The following KCTD17 variants were observed in gnomAD, a reference collection of about 807,000 sequenced individuals.
KCTD17 encodes the protein potassium channel tetramerization domain containing 17, also known as BTB/POZ domain-containing protein KCTD17.
A neutral mutation model predicts 41.5 loss-of-function variants in KCTD17; 20 were observed. That is an observed-to-expected ratio of 0.48 (90% CI 0.34 to 0.70). The LOEUF (loss-of-function observed/expected upper bound fraction) is 0.70. KCTD17 is among the 30% of genes least tolerant of loss of function. KCTD17 has a pLI of 0.01. For missense variants in KCTD17, 317 were observed against 427.2 expected (o/e 0.74, Z 2.27); for synonymous variants, 156 against 173.8 (o/e 0.90, Z 0.80).
rs773726512 is a variant in KCTD17, at chr22:37,059,358, G to A, written c.532G>A (p.Ala178Thr). 7 of 1,613,238 alleles carry A rather than the reference G, an allele frequency of 4.3e-6. No homozygotes were observed. Among genetic ancestry groups the A allele is most frequent in the Non-Finnish European group, 5.9e-6 (7 of 1,179,856 alleles). Residue 178 changes from alanine (A) to threonine (T), a missense_variant, in exon 5 of 9, where the codon GCA becomes ACA. Physicochemically the swap from Ala to Thr is moderately conservative, Grantham distance 58. Coordinates refer to ENST00000403888, the MANE Select transcript of KCTD17 (RefSeq NM_001282684.2). ...CTACAACTACGGCAGCGAGGACCAG[G>A]CAGAGTTCCTGTGTGTGGTGTCCAA... ...SSYNYGSEDQ[A>T]EFLCVVSKEL... is the part of the protein sequence containing the mutation.
chr22:37,059,366 C>A lies in KCTD17; in HGVS notation c.540C>A (p.Phe180Leu). 6.2e-7 allele frequency: 1 copy of A among 1,613,244 alleles called. No individual in the cohort carries two copies. The highest frequency in any genetic ancestry group is 8.5e-7 in the Non-Finnish European group (1 of 1,179,848). The change falls in exon 5 of 9, where the codon TTC becomes TTA. Residue 180 changes from phenylalanine to leucine, a missense_variant. By Grantham distance (22) the Phe-to-Leu change is conservative. Around this residue, in one of 4 missense-constraint regions of KCTD17, gnomAD observed 177 missense variants for 194.4 expected, o/e 0.91. Coordinates refer to ENST00000403888, the MANE Select transcript of KCTD17 (RefSeq NM_001282684.2). ...YNYGSEDQAE[F>L]LCVVSKELHS... ...ACGGCAGCGAGGACCAGGCAGAGTTCCTGTGTGTGGTGTCCAAGGAGCTCC... is the reference window on the plus strand; with the variant it reads ...ACGGCAGCGAGGACCAGGCAGAGTTACTGTGTGTGGTGTCCAAGGAGCTCC...
intron 5 of KCTD17, 137 bp from the exon 6 acceptor site, chr22:37,060,686 T>C: frequency 7.7e-7 from 1 of 1,299,268 alleles, no homozygotes. Context: ...CCCCAGCTTC[T>C]GTGGCTGGAG....
intron 3 of KCTD17, 39 bp from the exon 4 acceptor site, chr22:37,057,359 C>T (rs771791144): frequency 1.3e-6 from 2 of 1,548,158 alleles, no homozygotes; most frequent in African/African-American, 1.4e-5. Context: ...GTGCCTGGTG[C>T]TCCCACAGGT....
At chr22:37,054,249 G>C (rs71317024) in intron 2 of KCTD17, among the ~76,000 whole-genome samples, 4 of 152,162 alleles carry the variant, frequency 2.6e-5, no homozygotes, top group Non-Finnish European at 5.9e-5. Context: ...GCGTGGCCTA[G>C]GCTCAGGAGC....
In KCTD17 at chr22:37,062,521, C is replaced by A. The variant is rs1273573589; in HGVS notation, c.876-4C>A. ...CTCCTGCCCTTCCCCTCTTTTTTTT[C>A]TAGCTGTTACAAGCCAGAGGCACCC... On this transcript the variant is annotated splice_region_variant and splice_polypyrimidine_tract_variant and intron_variant, in intron 8 of 8. Coordinates refer to ENST00000403888, the MANE Select transcript of KCTD17 (RefSeq NM_001282684.2). 1.9e-6 allele frequency: 3 copies of A among 1,578,418 alleles called. No individual in the cohort carries two copies. Among genetic ancestry groups the A allele is most frequent in the Non-Finnish European group, 2.6e-6 (3 of 1,159,344 alleles).
At chr22:37,058,343 C>T (rs962036177) in intron 4 of KCTD17, among the ~76,000 whole-genome samples, 1 of 152,234 alleles carries the variant, frequency 6.6e-6, no homozygotes, top group African/African-American at 2.4e-5. Context: ...ATGCCTGCCA[C>T]CTTGGGCAAG....
chr22:37,052,107 G>C, intron 1 of KCTD17, 158 bp downstream of exon 1: 1 of 910,892 alleles, frequency 1.1e-6, no homozygotes, highest in South Asian at 2.6e-5. Flanking sequence ...GGGAGGGGGA[G>C]GTGGGTCTGG....
intron 8 of KCTD17, chr22:37,062,269 C>T (rs1925880401): frequency 5.1e-6 from 5 of 985,156 alleles, no homozygotes; most frequent in South Asian, 9.4e-5. Flanking sequence ...GAGCCCAAGA[C>T]GGGGCATGGG....
Position 37,063,013 on chromosome 22 carries a change from C to T in KCTD17, c.*419C>T. 1 of 179,430 alleles carries T rather than the reference C, an allele frequency of 5.6e-6. No individual in the cohort carries two copies. Among genetic ancestry groups the T allele is most frequent in the Non-Finnish European group, 1.2e-5 (1 of 85,954 alleles). The allele number at this position is 179,430 out of a possible 1,614,324, so 11.1% of individuals were successfully genotyped here. A position where few individuals can be genotyped will look rare whatever the true frequency, so the allele number is the denominator to read the frequency against. ...CCCTCAGGCAGTATATAGGGGCCGC[C>T]CACCTTCAGCTGCCCTGGGATGGGA... On this transcript the variant is annotated 3_prime_UTR_variant, in exon 9 of 9. Transcript: ENST00000403888. The surrounding 1 kb of genome is among the most constrained non-coding windows in gnomAD (Gnocchi z 4.6).
At chr22:37,062,385 G>T in intron 8 of KCTD17, 140 bp from the exon 9 acceptor site, 1 of 1,426,178 alleles carries the variant, frequency 7.0e-7, no homozygotes, top group South Asian at 1.4e-5. Flanking sequence ...AAGGAAGCCT[G>T]TGACTCAACT....
rs1320626092 is a variant in KCTD17 at position 37,061,974 on chromosome 22, GC to G, written c.875+348del. The G allele has an allele frequency of 3.0e-6, 3 of 985,266 alleles. No homozygotes were observed. Among genetic ancestry groups the G allele is most frequent in the Admixed American group, 6.1e-5 (1 of 16,266 alleles). The allele number at this position is 985,266 out of a possible 1,614,324, so 61.0% of individuals were successfully genotyped here. ...GACAGGCCACTTTTGGATACCCTTGGCCCATGAAGTGTCAGCCAGAGTGGCT... is the reference window on the plus strand; with the variant it reads ...GACAGGCCACTTTTGGATACCCTTGGCCATGAAGTGTCAGCCAGAGTGGCT... On this transcript the variant is annotated intron_variant, in intron 8 of 8. Transcript: ENST00000403888. The surrounding 1 kb of genome is among the most constrained non-coding windows in gnomAD (Gnocchi z 6.6).
At chr22:37,052,474 T>G (rs1601480022) in intron 1 of KCTD17, 1 of 456,368 alleles carries the variant, frequency 2.2e-6, no homozygotes, top group African/African-American at 2.0e-5. Context: ...CGACCTTGAG[T>G]CGGACCCTTC....
At chr22:37,060,289 C>A (rs984572293) in intron 5 of KCTD17, among the ~76,000 whole-genome samples, 5 of 152,320 alleles carry the variant, frequency 3.3e-5, no homozygotes, top group African/African-American at 1.2e-4. Context: ...GTGACGCACC[C>A]TGCCTGCCCA....
chr22:37,054,881 A>G (rs1323032118), intron 2 of KCTD17, among the ~76,000 whole-genome samples: 1 of 152,156 alleles, frequency 6.6e-6, no homozygotes, highest in Non-Finnish European at 1.5e-5. Flanking sequence ...CAGATCAGAA[A>G]TGTGAGCCCC....
chr22:37,057,601 A>C (rs1925297515), intron 4 of KCTD17, 108 bp downstream of exon 4: 2 of 796,200 alleles, frequency 2.5e-6, no homozygotes, highest in Admixed American at 2.1e-5. Context: ...TCCCCACCAC[A>C]GTCTCCCCCA....
At chr22:37,057,726 T>A (rs924210453) in intron 4 of KCTD17, among the ~76,000 whole-genome samples, 1 of 152,078 alleles carries the variant, frequency 6.6e-6, no homozygotes, top group African/African-American at 2.4e-5. Flanking sequence ...GCACGGGGTG[T>A]CCTTGTTGGT....
intron 8 of KCTD17, 47 bp from the exon 9 acceptor site, chr22:37,062,478 A>C (rs1203542984): frequency 1.2e-5 from 13 of 1,078,488 alleles, no homozygotes; most frequent in African/African-American, 6.4e-5. Flanking sequence ...TACCGGCCCC[A>C]CCTCCGCCCC....
chr22:37,060,566 C>T (rs1424245396), intron 5 of KCTD17, among the ~76,000 whole-genome samples: 1 of 152,208 alleles, frequency 6.6e-6, no homozygotes, highest in African/African-American at 2.4e-5. Context: ...CCTCCAGCCT[C>T]GCTCTATGTA....
At position 37,061,146 on chromosome 22, in the gene KCTD17, CACT is replaced by C. The variant is rs1568987241; in HGVS notation, c.756_758del (p.Leu253del). ...CCCGCTAACCTTTTCTCCCTCCCAC[CACT>C]GCCTCCTCCTCCGCTTCCCGCTGGA... On this transcript the variant is annotated inframe_deletion, in exon 7 of 9. Coordinates refer to ENST00000403888, the MANE Select transcript of KCTD17 (RefSeq NM_001282684.2). The surrounding 1 kb of genome is among the most constrained non-coding windows in gnomAD (Gnocchi z 6.6). 1 of 1,551,298 alleles carries C rather than the reference CACT, an allele frequency of 6.4e-7. No homozygotes were observed. Among genetic ancestry groups the C allele is most frequent in the Non-Finnish European group, 8.7e-7 (1 of 1,146,952 alleles).
Sources: allele counts gnomAD v4.1 joint callset (sites outside exome capture counted in the v4.1 genomes callset), GRCh38; gene constraint gnomAD v4.1.1; regional missense constraint gnomAD v4.1.1; non-coding constraint Gnocchi (gnomAD v3.1); transcripts MANE v1.5; gene names NCBI Gene and HGNC (gene_info 2026-07-23, HGNC 2026-07-21).